The following ALKBH1 variants were observed in gnomAD, a reference collection of about 807,000 sequenced individuals.
ALKBH1 encodes alkB homolog 1, histone H2A dioxygenase.
A neutral mutation model predicts 36.6 loss-of-function variants in ALKBH1; 31 were observed. That is an observed-to-expected ratio of 0.85 (90% CI 0.64 to 1.14). The LOEUF (loss-of-function observed/expected upper bound fraction) is 1.14. ALKBH1 is among the 50% of genes most tolerant of loss of function. The pLI is 0.00. For missense variants in ALKBH1, 490 were observed against 497.3 expected, an observed-to-expected ratio of 0.99 and a Z score of 0.14; for synonymous variants, 183 against 186.6, an observed-to-expected ratio of 0.98 and a Z score of 0.16.
chr14:77,675,744 T>C lies in ALKBH1; in HGVS notation c.652A>G (p.Ile218Val). The C allele has an allele frequency of 6.2e-7, 1 of 1,614,096 alleles. No individual in the cohort carries two copies. The highest frequency in any genetic ancestry group is 8.5e-7 in the Non-Finnish European group (1 of 1,180,020). ...GAGTCCAGGCGGTAGTAATTCAGGA[T>C]CCCTGCTTCAGCTCGGAAATCCTCA... ...GFEDFRAEAGILNYYRLDSTL... is the reference protein window; with the variant it reads ...GFEDFRAEAGVLNYYRLDSTL... Residue 218 changes from isoleucine to valine, a missense_variant, in exon 5 of 6, where the codon ATC (isoleucine) becomes GTC (valine). Coordinates refer to ENST00000216489, the MANE Select transcript of ALKBH1 (RefSeq NM_006020.3).
chr14:77,697,388 G>A (rs1274732109), intron 2 of ALKBH1: 1 of 164,192 alleles, frequency 6.1e-6, no homozygotes, highest in Non-Finnish European at 1.3e-5. Context: ...ACGGGCAATG[G>A]AGCTGCACAT....
Position 77,707,806 on chromosome 14 carries a change from A to C in ALKBH1, c.183+16T>G. ...GCAAAGCGATGGAGAGACGCGCGCC[A>C]CTCCTCTCTCTGTACCTTTTGGGCA... On this transcript the variant is annotated intron_variant, in intron 1 of 5. Transcript: ENST00000216489. 1 of 1,573,336 alleles carries C rather than the reference A, an allele frequency of 6.4e-7. No homozygotes were observed. The highest frequency in any genetic ancestry group is 8.6e-7 in the Non-Finnish European group (1 of 1,158,114).
In ALKBH1 at chr14:77,673,901, C is replaced by T; in HGVS notation, c.1081G>A (p.Glu361Lys). Residue 361 changes from glutamate (E) to lysine (K), a missense_variant, in exon 6 of 6, where the codon GAA becomes AAA. Glu to Lys is a moderately conservative substitution (Grantham distance 56, BLOSUM62 1). Transcript: ENST00000216489. ...QNFPLEPIEDEKRDISTEGFC... is the reference protein window; with the variant it reads ...QNFPLEPIEDKKRDISTEGFC... ...CCTTCTGTACTGATGTCTCTTTTTT[C>T]ATCCTCGATGGGTTCTAGAGGGAAA... is the stretch of plus-strand genomic sequence containing the variant. The T allele has an allele frequency of 3.7e-6, 6 of 1,613,772 alleles. No homozygotes were observed. Among genetic ancestry groups the T allele is most frequent in the Non-Finnish European group, 5.1e-6 (6 of 1,179,902 alleles).
At chr14:77,695,021 G>A (rs1595056219) in intron 2 of ALKBH1, 121 bp from the exon 3 acceptor site, 3 of 804,694 alleles carry the variant, frequency 3.7e-6, no homozygotes, top group African/African-American at 1.8e-5. Context: ...TTTTGGTCAT[G>A]CTTCAAGTTA....
At chr14:77,683,447 T>C (rs2080249888) in intron 3 of ALKBH1, 2 of 743,458 alleles carry the variant, frequency 2.7e-6, no homozygotes, top group African/African-American at 1.7e-5. Context: ...TTAACTTACT[T>C]GTTCACAACA....
chr14:77,690,364 G>A (rs138769423), intron 3 of ALKBH1, among the ~76,000 whole-genome samples: 15 of 152,340 alleles, frequency 9.8e-5, no homozygotes, highest in African/African-American at 3.6e-4. Flanking sequence ...TAAATGTGAT[G>A]ATGTTATGCA....
At chr14:77,699,380 A>G (rs2080346217) in intron 2 of ALKBH1, among the ~76,000 whole-genome samples, 1 of 152,248 alleles carries the variant, frequency 6.6e-6, no homozygotes, top group Non-Finnish European at 1.5e-5. Flanking sequence ...AAATTAATGG[A>G]ATAATGATAA....
chr14:77,706,476 C>T (rs1023317532), intron 1 of ALKBH1, among the ~76,000 whole-genome samples: 1 of 152,156 alleles, frequency 6.6e-6, no homozygotes, highest in African/African-American at 2.4e-5. Context: ...AGACTGTTAA[C>T]CACCACTTTC....
chr14:77,684,457 G>C (rs2080256711), intron 3 of ALKBH1, among the ~76,000 whole-genome samples: 1 of 151,988 alleles, frequency 6.6e-6, no homozygotes, highest in Non-Finnish European at 1.5e-5. Flanking sequence ...CGCCTCCCAG[G>C]TTCATGTGAT....
Position 77,679,865 on chromosome 14 carries a change from A to G in ALKBH1, c.546+15T>C. The G allele has an allele frequency of 6.2e-7, 1 of 1,606,908 alleles. No individual in the cohort carries two copies. Among genetic ancestry groups the G allele is most frequent in the Non-Finnish European group, 8.5e-7 (1 of 1,174,068 alleles). On this transcript the variant is annotated intron_variant, in intron 4 of 5. Transcript: ENST00000216489. The stretch of plus-strand genomic sequence containing the variant: ...CTATAAACAGAAAACAAAAGAATTA[A>G]GAAAACCTGAATACCTTACTGTCCC...
intron 2 of ALKBH1, among the ~76,000 whole-genome samples, chr14:77,703,593 C>CTTTTTTTTTTT (rs200488919): frequency 1.8e-5 from 2 of 112,898 alleles, no homozygotes; most frequent in Non-Finnish European, 1.7e-5. Context: ...CTGCGTCCAG[C>CTTTTTTTTTTT]TTTTTTTTTT....
intron 1 of ALKBH1, among the ~76,000 whole-genome samples, chr14:77,707,383 G>C (rs905143305): frequency 6.6e-6 from 1 of 152,214 alleles, no homozygotes; most frequent in South Asian, 2.1e-4. Flanking sequence ...AAAAGAGCCA[G>C]AGGAGAAGAC....
chr14:77,700,433 T>C (rs985890881), intron 2 of ALKBH1, among the ~76,000 whole-genome samples: 4 of 152,216 alleles, frequency 2.6e-5, no homozygotes, highest in African/African-American at 7.2e-5. Context: ...AATGAGCTTT[T>C]GGCATCAAGG....
chr14:77,693,929 G>A (rs56017708), intron 3 of ALKBH1, among the ~76,000 whole-genome samples: 24,356 of 152,068 alleles, frequency 0.16, 2,009 homozygotes, highest in East Asian at 0.25. Context: ...AGAGGTTGCA[G>A]TGAGCTGAGA....
intron 2 of ALKBH1, among the ~76,000 whole-genome samples, chr14:77,703,297 CTTT>C (rs879794546): frequency 3.6e-5 from 5 of 140,614 alleles, no homozygotes; most frequent in Admixed American, 7.2e-5. Context: ...TTAGGACTTT[CTTT>C]TTTTTTTTTT....
chr14:77,703,927 T>C (rs2080374147), intron 2 of ALKBH1, among the ~76,000 whole-genome samples: 1 of 152,200 alleles, frequency 6.6e-6, no homozygotes, highest in South Asian at 2.1e-4. Context: ...ATTGTAATTC[T>C]TTATTAAATA....
intron 2 of ALKBH1, 36 bp from the exon 3 acceptor site, chr14:77,694,936 G>A: frequency 7.0e-7 from 1 of 1,427,586 alleles, no homozygotes; most frequent in Non-Finnish European, 9.3e-7. Flanking sequence ...AAGAAGAGGG[G>A]GAAATTCTCC....
chr14:77,705,809 CT>C (rs906817905), intron 1 of ALKBH1, among the ~76,000 whole-genome samples: 1 of 152,158 alleles, frequency 6.6e-6, no homozygotes, highest in Non-Finnish European at 1.5e-5. Flanking sequence ...AATTCCAACA[CT>C]TTGGGAAGCC....
At chr14:77,693,848 G>A (rs1369220833) in intron 3 of ALKBH1, among the ~76,000 whole-genome samples, 3 of 152,050 alleles carry the variant, frequency 2.0e-5, no homozygotes, top group African/African-American at 4.8e-5. Flanking sequence ...TTGGTGGGGC[G>A]TGGTGGTGGA....
Sources: gnomAD v4.1 joint callset for allele counts (sites outside exome capture counted in the v4.1 genomes callset) on GRCh38, gnomAD v4.1.1 for gene constraint, MANE v1.5 for transcripts, NCBI Gene and HGNC (gene_info 2026-07-23, HGNC 2026-07-21) for gene names.